Variants in COL14A1 observed in about 807,000 individuals in gnomAD.
COL14A1 encodes the protein collagen type XIV alpha 1 chain, also known as collagen alpha-1(XIV) chain.
COL14A1 carries 136 observed loss-of-function variants against 230.3 expected under a neutral mutation model. That is an observed-to-expected ratio of 0.59 (90% CI 0.51 to 0.68). COL14A1 has a LOEUF of 0.68. Ranked by LOEUF, COL14A1 falls within the 30% of genes least tolerant of loss-of-function variation. The pLI, the probability that COL14A1 is intolerant of heterozygous loss-of-function variation, is 0.00. For missense variants in COL14A1, 1,976 were observed against 2,215.8 expected, an observed-to-expected ratio of 0.89 and a Z score of 2.17; for synonymous variants, 792 against 784.1, an observed-to-expected ratio of 1.01 and a Z score of -0.17.
chr8:120,234,179 C>T (rs1818368010), intron 19 of COL14A1, among the ~76,000 whole-genome samples: 1 of 152,194 alleles, frequency 6.6e-6, no homozygotes, highest in South Asian at 2.1e-4. Flanking sequence ...TGAGACTTTG[C>T]TGAAGTTGCA....
Position 120,244,149 on chromosome 8 carries a change from G to A in COL14A1, c.2479+141G>A, listed in dbSNP as rs1401601138. 8 of 952,578 alleles carry A rather than the reference G, an allele frequency of 8.4e-6. No homozygotes were observed. In the East Asian group the frequency reaches 2.4e-4, roughly 28 times the overall value. The allele number at this position is 952,578 out of a possible 1,614,324, so 59.0% of individuals were successfully genotyped here. A position where few individuals can be genotyped will look rare whatever the true frequency, so the allele number is the denominator to read the frequency against. ...GGAACAGGAAATCTGTCTGCATCCT[G>A]TCTTTACACACACAAGCTATGTGAC... On this transcript the variant is annotated intron_variant, in intron 20 of 47. Transcript: ENST00000297848.
chr8:120,355,810 A>C (rs1475048709), intron 45 of COL14A1, among the ~76,000 whole-genome samples: 21 of 152,158 alleles, frequency 1.4e-4, no homozygotes, highest in South Asian at 2.1e-4. Flanking sequence ...TAACTAACCT[A>C]ACCATCTAAA....
chr8:120,162,890 A>G (rs575487787), intron 4 of COL14A1, among the ~76,000 whole-genome samples: 1 of 152,260 alleles, frequency 6.6e-6, no homozygotes, highest in South Asian at 2.1e-4. Context: ...CTGGTACTAT[A>G]ACACCATATT....
At chr8:120,197,004 T>G in intron 6 of COL14A1, 58 bp downstream of exon 6, 2 of 1,541,134 alleles carry the variant, frequency 1.3e-6, no homozygotes, top group Non-Finnish European at 1.8e-6. Flanking sequence ...TGCTGGGAAG[T>G]ATTTTAAGAA....
At chr8:120,363,025 A>G (rs749597152) in intron 45 of COL14A1, among the ~76,000 whole-genome samples, 30 of 152,218 alleles carry the variant, frequency 2.0e-4, no homozygotes, top group Admixed American at 8.5e-4. Context: ...TCACCACCAC[A>G]CAAGGAACTT....
At chr8:120,142,387 GT>G (rs1354722971) in intron 1 of COL14A1, among the ~76,000 whole-genome samples, 2 of 152,226 alleles carry the variant, frequency 1.3e-5, no homozygotes, top group East Asian at 3.9e-4. Context: ...CACTAATCTT[GT>G]TTTACTTGAC....
intron 42 of COL14A1, among the ~76,000 whole-genome samples, chr8:120,338,091 C>T (rs1822146264): frequency 1.3e-5 from 2 of 151,566 alleles, no homozygotes; most frequent in African/African-American, 4.8e-5. Context: ...AGATTTGAGA[C>T]ATTTTCAAAC....
chr8:120,349,242 C>T (rs1329310068), intron 45 of COL14A1, among the ~76,000 whole-genome samples: 2 of 150,416 alleles, frequency 1.3e-5, no homozygotes, highest in African/African-American at 4.9e-5. Flanking sequence ...CTGTACATCA[C>T]CATCATCAAA....
rs139685579 is a variant in COL14A1, at chr8:120,337,777, G to A, written c.4786-3548G>A. On this transcript the variant is annotated intron_variant, in intron 42 of 47. Transcript: ENST00000297848. ...TCAAAGCATACTTTGGTGGAGTTAT[G>A]GGCCTTCACTTGCTCAGGAATTTTT... 4.5e-4 allele frequency among the ~76,000 whole-genome samples: 68 copies of A among 152,270 alleles called. 1 individual carries two copies. The highest frequency in any genetic ancestry group is 1.5e-3 in the African/African-American group (64 of 41,538).
intron 36 of COL14A1, among the ~76,000 whole-genome samples, chr8:120,303,887 C>A (rs970675083): frequency 6.6e-6 from 1 of 151,708 alleles, no homozygotes; most frequent in South Asian, 2.1e-4. Flanking sequence ...TTTTTGGTTG[C>A]TAGACTATTT....
intron 2 of COL14A1, 88 bp from the exon 3 acceptor site, chr8:120,158,042 T>C (rs1815538569): frequency 1.4e-6 from 1 of 704,540 alleles, no homozygotes; most frequent in Non-Finnish European, 2.4e-6. Flanking sequence ...TTTGTGTGTA[T>C]TTTTATTATA....
intron 19 of COL14A1, among the ~76,000 whole-genome samples, chr8:120,233,381 C>G (rs1018400432): frequency 6.6e-6 from 1 of 152,050 alleles, no homozygotes; most frequent in Non-Finnish European, 1.5e-5. Flanking sequence ...GGTTTTCTTC[C>G]AGGATTTTTA....
At chr8:120,225,715 G>A (rs889768739) in intron 15 of COL14A1, among the ~76,000 whole-genome samples, 1 of 151,744 alleles carries the variant, frequency 6.6e-6, no homozygotes, top group Non-Finnish European at 1.5e-5. Flanking sequence ...TATAAGACAT[G>A]AATACATTAT....
chr8:120,249,588 G>A (rs1204327919), intron 21 of COL14A1, among the ~76,000 whole-genome samples: 1 of 152,200 alleles, frequency 6.6e-6, no homozygotes, highest in African/African-American at 2.4e-5. Context: ...GCGGTTCTCA[G>A]TTGATGTCAT....
chr8:120,300,303 G>A (rs538928716), intron 35 of COL14A1, among the ~76,000 whole-genome samples: 40 of 152,222 alleles, frequency 2.6e-4, no homozygotes, highest in African/African-American at 8.9e-4. Flanking sequence ...GTTTGTTTTA[G>A]TACAGATATA....
At chr8:120,181,612 G>C (rs2130641867) in intron 5 of COL14A1, among the ~76,000 whole-genome samples, 1 of 152,024 alleles carries the variant, frequency 6.6e-6, no homozygotes, top group East Asian at 1.9e-4. Flanking sequence ...GAGGTGATTA[G>C]GAAAAAATGT....
intron 42 of COL14A1, among the ~76,000 whole-genome samples, chr8:120,338,941 G>T (rs552981858): frequency 1.3e-5 from 2 of 152,250 alleles, no homozygotes; most frequent in African/African-American, 4.8e-5. Flanking sequence ...AAGAAATGAG[G>T]GAAGAAGGCA....
At chr8:120,151,580 C>A (rs1815283190) in intron 2 of COL14A1, among the ~76,000 whole-genome samples, 1 of 132,066 alleles carries the variant, frequency 7.6e-6, no homozygotes, top group Non-Finnish European at 1.5e-5. Flanking sequence ...GTGGAGGTTG[C>A]AGTGAGCTGA....
chr8:120,199,706 C>G, intron 8 of COL14A1, 140 bp downstream of exon 8: 2 of 780,654 alleles, frequency 2.6e-6, no homozygotes. Flanking sequence ...ATAGGCAGCC[C>G]TGTGATCTGA....
Sources: allele counts gnomAD v4.1 joint callset (sites outside exome capture counted in the v4.1 genomes callset), GRCh38; gene constraint gnomAD v4.1.1; transcripts MANE v1.5; gene names NCBI Gene and HGNC (gene_info 2026-07-23, HGNC 2026-07-21).